Variants in SRP54 observed in about 807,000 individuals in gnomAD.
SRP54 encodes the protein signal recognition particle 54.
A neutral mutation model predicts 64.8 loss-of-function variants in SRP54; 10 were observed. That is an observed-to-expected ratio of 0.15 (90% CI 0.10 to 0.26). SRP54 has a LOEUF of 0.26. Ranked by LOEUF, SRP54 falls within the 10% of genes least tolerant of loss-of-function variation. The pLI, the probability that SRP54 is intolerant of heterozygous loss-of-function variation, is 1.00. For synonymous variants in SRP54, 193 were observed against 185.6 expected (o/e 1.04, Z -0.32); for missense variants, 325 against 613.7 (o/e 0.53, Z 4.97).
At chr14:34,985,044 A>ATAATCC (rs2043872495) in intron 1 of SRP54, among the ~76,000 whole-genome samples, 1 of 152,026 alleles carries the variant, frequency 6.6e-6, no homozygotes, top group Non-Finnish European at 1.5e-5. Flanking sequence ...TAAAAGGATT[A>ATAATCC]TAAGGGCTGT....
chr14:34,990,900 T>A (rs4982234), intron 1 of SRP54, among the ~76,000 whole-genome samples: 25,944 of 152,058 alleles, frequency 0.17, 2,387 homozygotes, highest in East Asian at 0.31. Context: ...TTTTAGTGGC[T>A]TTTAAAGATA....
intron 1 of SRP54, among the ~76,000 whole-genome samples, chr14:34,988,443 T>G (rs1213632006): frequency 2.0e-5 from 3 of 148,482 alleles, no homozygotes; most frequent in Non-Finnish European, 4.5e-5. Context: ...GCGCCTGTAG[T>G]CCCAGCTACT....
At chr14:35,011,014 A>G (rs2044348678) in intron 7 of SRP54, among the ~76,000 whole-genome samples, 1 of 151,968 alleles carries the variant, frequency 6.6e-6, no homozygotes, top group Admixed American at 6.6e-5. Context: ...GCAGTGTCGA[A>G]CTCATGGACT....
At chr14:35,020,663 G>A (rs936743741) in intron 13 of SRP54, among the ~76,000 whole-genome samples, 10 of 151,924 alleles carry the variant, frequency 6.6e-5, no homozygotes, top group African/African-American at 2.2e-4. Context: ...TTCTTTTAAG[G>A]TTGTTTTTTT....
At chr14:35,003,787 A>G (rs2044215486) in intron 4 of SRP54, among the ~76,000 whole-genome samples, 1 of 151,060 alleles carries the variant, frequency 6.6e-6, no homozygotes, top group Non-Finnish European at 1.5e-5. Flanking sequence ...TACAAAAATT[A>G]GCTGGGAACG....
chr14:35,019,921 G>A lies in SRP54; in HGVS notation c.1156+847G>A, dbSNP rs113991827. On this transcript the variant is annotated intron_variant, in intron 13 of 15. Transcript: ENST00000216774. The stretch of plus-strand genomic sequence containing the variant: ...TTGGCCGGGCGCAGTGGCTCACGAC[G>A]CCTGTAATCCCAGCACTTTGGGAGG... Among the ~76,000 whole-genome samples, 462 of 152,252 alleles carry A rather than the reference G, an allele frequency of 3.0e-3. 2 individuals are homozygous for A. Among genetic ancestry groups the A allele is most frequent in the African/African-American group, 0.011 (446 of 41,546 alleles).
At chr14:34,991,112 T>TC (rs1285139253) in intron 1 of SRP54, among the ~76,000 whole-genome samples, 9 of 82,678 alleles carry the variant, frequency 1.1e-4, no homozygotes, top group African/African-American at 2.5e-4. Flanking sequence ...TTCTTTTCTT[T>TC]TTTTTTTTTT....
intron 4 of SRP54, among the ~76,000 whole-genome samples, chr14:35,006,398 G>A (rs889072847): frequency 6.6e-6 from 1 of 152,132 alleles, no homozygotes; most frequent in Non-Finnish European, 1.5e-5. Flanking sequence ...AGCCACATGT[G>A]GTTATTGAGC....
chr14:35,025,420 G>A (rs2044605992), intron 14 of SRP54, among the ~76,000 whole-genome samples: 1 of 152,064 alleles, frequency 6.6e-6, no homozygotes, highest in Admixed American at 6.6e-5. Context: ...TTGAAAATTG[G>A]TTATAATTCC....
At chr14:35,002,151 C>T (rs990574085) in intron 4 of SRP54, among the ~76,000 whole-genome samples, 2 of 151,962 alleles carry the variant, frequency 1.3e-5, no homozygotes, top group Admixed American at 6.6e-5. Context: ...GTCAGGCGTT[C>T]GAGACCAGCC....
At chr14:35,018,120 C>G (rs976887880) in intron 11 of SRP54, among the ~76,000 whole-genome samples, 4 of 152,184 alleles carry the variant, frequency 2.6e-5, no homozygotes, top group Admixed American at 6.5e-5. Context: ...TAAAGAAATT[C>G]TGAGTATATC....
At chr14:35,000,403 T>C (rs2044150654) in intron 3 of SRP54, among the ~76,000 whole-genome samples, 2 of 151,858 alleles carry the variant, frequency 1.3e-5, no homozygotes, top group African/African-American at 4.8e-5. Flanking sequence ...CTGTTTCTAC[T>C]AAAAATACAA....
chr14:35,008,936 G>T, intron 7 of SRP54, 105 bp downstream of exon 7: 1 of 885,736 alleles, frequency 1.1e-6, no homozygotes. Flanking sequence ...ACCCAGGCTG[G>T]GGTGCAATGG....
chr14:35,014,303 G>GTTTTTTTTTTT (rs1595005264), intron 10 of SRP54, among the ~76,000 whole-genome samples: 1 of 105,476 alleles, frequency 9.5e-6, no homozygotes, highest in Non-Finnish European at 2.0e-5. Flanking sequence ...TTGAGACGGA[G>GTTTTTTTTTTT]TTTCGCTCTT....
intron 1 of SRP54, among the ~76,000 whole-genome samples, chr14:34,993,964 A>G (rs7144574): frequency 0.21 from 29,941 of 145,324 alleles, 3,194 homozygotes; most frequent in East Asian, 0.4. Context: ...CAAAGTGCTG[A>G]GATTACAGGC....
chr14:35,000,255 C>G (rs959855321), intron 3 of SRP54, among the ~76,000 whole-genome samples: 7 of 151,982 alleles, frequency 4.6e-5, no homozygotes, highest in African/African-American at 1.4e-4. Context: ...GTGGGACTAC[C>G]AGCATTTAAG....
chr14:35,000,793 A>T (rs2044158241), intron 3 of SRP54, 143 bp from the exon 4 acceptor site: 2 of 418,024 alleles, frequency 4.8e-6, no homozygotes, highest in South Asian at 1.5e-4. Context: ...ACGAGTCTGT[A>T]GTAATTACAT....
At chr14:34,998,376 A>G (rs2044102825) in intron 2 of SRP54, among the ~76,000 whole-genome samples, 1 of 152,170 alleles carries the variant, frequency 6.6e-6, no homozygotes, top group Non-Finnish European at 1.5e-5. Flanking sequence ...GTGCCTTGCA[A>G]TTCAACAAAC....
At chr14:34,988,826 C>A (rs985275673) in intron 1 of SRP54, among the ~76,000 whole-genome samples, 1 of 151,506 alleles carries the variant, frequency 6.6e-6, no homozygotes. Context: ...GATTCCAGGA[C>A]CAAAATCAGA....
Sources: allele counts gnomAD v4.1 joint callset (sites outside exome capture counted in the v4.1 genomes callset), GRCh38; gene constraint gnomAD v4.1.1; transcripts MANE v1.5; gene names NCBI Gene and HGNC (gene_info 2026-07-23, HGNC 2026-07-21).